FLRT2: variants seen among roughly 807,000 people sequenced by gnomAD.
FLRT2 encodes fibronectin leucine rich transmembrane protein 2, also known as leucine-rich repeat transmembrane protein FLRT2.
FLRT2 carries 15 observed loss-of-function variants against 40.0 expected under a neutral mutation model. That is an observed-to-expected ratio of 0.38 (90% confidence interval 0.25 to 0.58). The LOEUF (loss-of-function observed/expected upper bound fraction) is 0.58, where lower values mean the gene tolerates loss of function less well. Ranked by LOEUF, FLRT2 falls within the 20% of genes least tolerant of loss-of-function variation. The probability of loss-of-function intolerance (pLI) is 0.71; values close to 1 mark genes in which losing one functional copy is unlikely to be tolerated. For missense variants in FLRT2, 726 were observed against 840.0 expected (o/e 0.86, Z 1.68); for synonymous variants, 380 against 336.8 (o/e 1.13, Z -1.41).
chr14:85,577,836 C>T (rs574231435), intron 1 of FLRT2, among the ~76,000 whole-genome samples: 1 of 152,170 alleles, frequency 6.6e-6, no homozygotes, highest in East Asian at 1.9e-4. Context: ...TGGCCTTGGT[C>T]TCCCAAGGCA....
chr14:85,614,300 C>G (rs1207969072), intron 1 of FLRT2, among the ~76,000 whole-genome samples: 1 of 151,940 alleles, frequency 6.6e-6, no homozygotes, highest in Admixed American at 6.6e-5. Flanking sequence ...AATTGGTCCT[C>G]TTAGTTACTT....
At position 85,586,940 on chromosome 14, in the gene FLRT2, T is replaced by C. The variant is rs116401706; in HGVS notation, c.-376-34199T>C. ...ACGTGGAAAGATAAGCTGGTTTTCATTGAGCTTAGGTGGAGCTGGTTTTCC... is the reference window on the plus strand; with the variant it reads ...ACGTGGAAAGATAAGCTGGTTTTCACTGAGCTTAGGTGGAGCTGGTTTTCC... On this transcript the variant is annotated intron_variant, in intron 1 of 1. Transcript: ENST00000330753. Among the ~76,000 whole-genome samples, 1,298 of 152,282 alleles carry C rather than the reference T, an allele frequency of 8.5e-3. 26 individuals carry two copies. The highest frequency in any genetic ancestry group is 0.029 in the African/African-American group (1,218 of 41,570).
At chr14:85,591,895 C>T (rs1160212355) in intron 1 of FLRT2, among the ~76,000 whole-genome samples, 2 of 152,232 alleles carry the variant, frequency 1.3e-5, no homozygotes, top group East Asian at 1.9e-4. Flanking sequence ...AGCCCTGACT[C>T]TTATGGATGT....
chr14:85,598,704 C>T (rs1162084108), intron 1 of FLRT2, among the ~76,000 whole-genome samples: 6 of 152,052 alleles, frequency 3.9e-5, no homozygotes, highest in East Asian at 1.9e-4. Flanking sequence ...CTTCCTGTTA[C>T]GGTTTTAATA....
At chr14:85,557,071 G>A (rs1348940496) in intron 1 of FLRT2, among the ~76,000 whole-genome samples, 1 of 152,112 alleles carries the variant, frequency 6.6e-6, no homozygotes. Context: ...CTGCCCCCAT[G>A]ATTCAAATTA....
At chr14:85,618,566 C>T (rs1893237607) in intron 1 of FLRT2, among the ~76,000 whole-genome samples, 1 of 152,064 alleles carries the variant, frequency 6.6e-6, no homozygotes, top group Admixed American at 6.5e-5. Context: ...GGCCAAGTGT[C>T]GTACATAGTC....
At chr14:85,563,352 A>C (rs1890459838) in intron 1 of FLRT2, among the ~76,000 whole-genome samples, 1 of 152,178 alleles carries the variant, frequency 6.6e-6, no homozygotes, top group Admixed American at 6.5e-5. Flanking sequence ...TGAGTCCCAC[A>C]CACCTTGTGT....
At chr14:85,614,563 T>C (rs1314005037) in intron 1 of FLRT2, among the ~76,000 whole-genome samples, 4 of 152,150 alleles carry the variant, frequency 2.6e-5, no homozygotes, top group African/African-American at 4.8e-5. Flanking sequence ...CAATTCCTGA[T>C]AGGGAGCGGC....
intron 1 of FLRT2, among the ~76,000 whole-genome samples, chr14:85,544,492 T>C (rs949742122): frequency 2.0e-5 from 3 of 152,236 alleles, no homozygotes; most frequent in Non-Finnish European, 4.4e-5. Flanking sequence ...CTTTATTTTT[T>C]GCTTGTTATT....
At chr14:85,551,911 G>A (rs1023162672) in intron 1 of FLRT2, 1 of 152,028 alleles carries the variant, frequency 6.6e-6, no homozygotes, top group African/African-American at 2.4e-5. Context: ...ATTTATCCCT[G>A]TTTCTAGATT....
intron 1 of FLRT2, among the ~76,000 whole-genome samples, chr14:85,595,912 G>T (rs529840765): frequency 3.9e-5 from 6 of 152,098 alleles, no homozygotes; most frequent in African/African-American, 7.2e-5. Flanking sequence ...TTCACTTGGC[G>T]GGCAAGAAGT....
chr14:85,623,542 A>G lies in FLRT2; in HGVS notation c.*45A>G. ...ATCAAGGCGGACAATTAGACTCTTG[A>G]GAACACACTCGTGTGTGCACATAAA... On this transcript the variant is annotated 3_prime_UTR_variant, in exon 2 of 2. Coordinates refer to ENST00000330753, the MANE Select transcript of FLRT2 (RefSeq NM_013231.6). 7.2e-7 allele frequency: 1 copy of G among 1,384,394 alleles called. No homozygotes were observed. The highest frequency in any genetic ancestry group is 9.4e-7 in the Non-Finnish European group (1 of 1,058,670). The allele number at this position is 1,384,394 out of a possible 1,614,324, so 85.8% of individuals were successfully genotyped here. A position where few individuals can be genotyped will look rare whatever the true frequency, so the allele number is the denominator to read the frequency against.
chr14:85,548,364 C>A (rs1015385176), intron 1 of FLRT2, among the ~76,000 whole-genome samples: 1 of 152,188 alleles, frequency 6.6e-6, no homozygotes, highest in African/African-American at 2.4e-5. Flanking sequence ...CAAAGCAGTG[C>A]AGCCTCTTGC....
intron 1 of FLRT2, among the ~76,000 whole-genome samples, chr14:85,582,092 A>G (rs1247110578): frequency 3.9e-5 from 6 of 152,188 alleles, no homozygotes; most frequent in Admixed American, 2.0e-4. Flanking sequence ...CCACTCTACA[A>G]TCTGTGTGAT....
intron 1 of FLRT2, among the ~76,000 whole-genome samples, chr14:85,603,065 C>A (rs1004287593): frequency 1.3e-5 from 2 of 152,144 alleles, no homozygotes; most frequent in African/African-American, 4.8e-5. Context: ...TAGGATCTTT[C>A]TCTTTTGTGT....
In FLRT2 at chr14:85,635,429, A is replaced by T. The variant is rs1014370990; in HGVS notation, c.*11932A>T. ...ACAAGGAAATACAAACTATATTACT[A>T]AGTAGACTATTAATAAAACACTTTA... is the stretch of plus-strand genomic sequence containing the variant. On this transcript the variant is annotated 3_prime_UTR_variant, in exon 2 of 2. Coordinates refer to ENST00000330753, the MANE Select transcript of FLRT2 (RefSeq NM_013231.6). 2 of 152,170 alleles carry T rather than the reference A, an allele frequency of 1.3e-5. No individual in the cohort carries two copies. The highest frequency in any genetic ancestry group is 2.9e-5 in the Non-Finnish European group (2 of 67,996). The allele number at this position is 152,170 out of a possible 1,614,324, so 9.4% of individuals were successfully genotyped here.
chr14:85,617,046 C>T (rs1893169378), intron 1 of FLRT2, among the ~76,000 whole-genome samples: 1 of 96,304 alleles, frequency 1.0e-5, no homozygotes, highest in African/African-American at 4.0e-5. Flanking sequence ...ATCATCGGTT[C>T]TCAACAGTTG....
chr14:85,564,137 A>G (rs1890505192), intron 1 of FLRT2, among the ~76,000 whole-genome samples: 1 of 152,220 alleles, frequency 6.6e-6, no homozygotes, highest in South Asian at 2.1e-4. Flanking sequence ...ATGGCAGAAC[A>G]CCAAAGTGGC....
chr14:85,612,196 A>C (rs1231172941), intron 1 of FLRT2, among the ~76,000 whole-genome samples: 2 of 152,094 alleles, frequency 1.3e-5, no homozygotes, highest in African/African-American at 4.8e-5. Context: ...GCACTACAAA[A>C]ATATGAGCTT....
Sources: allele counts gnomAD v4.1 joint callset (sites outside exome capture counted in the v4.1 genomes callset), GRCh38; gene constraint gnomAD v4.1.1; transcripts MANE v1.5; gene names NCBI Gene and HGNC (gene_info 2026-07-23, HGNC 2026-07-21).